Variants in SRP54 observed in about 807,000 individuals in gnomAD.
SRP54 encodes signal recognition particle 54.
SRP54 carries 10 observed loss-of-function variants against 64.8 expected under a neutral mutation model. That is an observed-to-expected ratio of 0.15 (90% CI 0.10 to 0.26). SRP54 has a LOEUF of 0.26. Ranked by LOEUF, SRP54 falls within the 10% of genes least tolerant of loss-of-function variation. The pLI is 1.00. For synonymous variants in SRP54, 193 were observed against 185.6 expected (o/e 1.04, Z -0.32); for missense variants, 325 against 613.7 (o/e 0.53, Z 4.97).
At chr14:35,017,740 C>T (rs1288462794) in intron 11 of SRP54, among the ~76,000 whole-genome samples, 2 of 152,048 alleles carry the variant, frequency 1.3e-5, no homozygotes, top group African/African-American at 4.8e-5. Context: ...TTGACAAATG[C>T]ACAGTAACCC....
chr14:35,016,740 TC>T (rs2044445390), intron 11 of SRP54, among the ~76,000 whole-genome samples: 1 of 152,190 alleles, frequency 6.6e-6, no homozygotes, highest in South Asian at 2.1e-4. Flanking sequence ...TTTTTTATGT[TC>T]ACAGTACCTA....
intron 4 of SRP54, among the ~76,000 whole-genome samples, chr14:35,003,306 A>G (rs867167562): frequency 6.6e-6 from 1 of 152,150 alleles, no homozygotes. Context: ...ACTGAAAACA[A>G]TGGTAGGTAA....
At chr14:35,020,393 T>G (rs1475850238) in intron 13 of SRP54, among the ~76,000 whole-genome samples, 1 of 152,192 alleles carries the variant, frequency 6.6e-6, no homozygotes, top group East Asian at 1.9e-4. Flanking sequence ...GATTGACTCT[T>G]CTTTTCACAA....
intron 1 of SRP54, among the ~76,000 whole-genome samples, chr14:34,994,481 A>G (rs1027471575): frequency 2.0e-5 from 3 of 152,176 alleles, no homozygotes; most frequent in Non-Finnish European, 2.9e-5. Flanking sequence ...CCGTGTTTTT[A>G]GAGCCCTTTG....
chr14:35,002,144 A>C (rs2044183458), intron 4 of SRP54, among the ~76,000 whole-genome samples: 1 of 152,116 alleles, frequency 6.6e-6, no homozygotes, highest in Non-Finnish European at 1.5e-5. Flanking sequence ...ACCTGAGGTC[A>C]GGCGTTCGAG....
chr14:34,999,333 G>A (rs1431077037), intron 2 of SRP54, among the ~76,000 whole-genome samples: 1 of 151,888 alleles, frequency 6.6e-6, no homozygotes, highest in Non-Finnish European at 1.5e-5. Context: ...CTTTTATATA[G>A]GAATAAAATT....
At chr14:34,990,973 A>G (rs2043966637) in intron 1 of SRP54, among the ~76,000 whole-genome samples, 1 of 152,186 alleles carries the variant, frequency 6.6e-6, no homozygotes, top group Non-Finnish European at 1.5e-5. Context: ...CCTTAAATAC[A>G]TCATTTCATT....
intron 14 of SRP54, among the ~76,000 whole-genome samples, chr14:35,023,610 C>G (rs2044570877): frequency 6.6e-6 from 1 of 152,002 alleles, no homozygotes; most frequent in South Asian, 2.1e-4. Flanking sequence ...ATGGTGAAAC[C>G]CTGCCTCTAC....
chr14:35,002,421 C>T (rs1012861016), intron 4 of SRP54, among the ~76,000 whole-genome samples: 2 of 151,654 alleles, frequency 1.3e-5, no homozygotes, highest in Admixed American at 6.6e-5. Flanking sequence ...ATCATTTTTC[C>T]CCCACATTGT....
At chr14:35,001,704 C>A (rs2044176347) in intron 4 of SRP54, among the ~76,000 whole-genome samples, 1 of 152,094 alleles carries the variant, frequency 6.6e-6, no homozygotes, top group Non-Finnish European at 1.5e-5. Flanking sequence ...GTAAGGAATT[C>A]CCTTTGCAAA....
At position 35,029,384 on chromosome 14, in the gene SRP54, TA is replaced by T. The variant is rs201138852; in HGVS notation, c.*233del. On this transcript the variant is annotated 3_prime_UTR_variant, in exon 16 of 16. Coordinates refer to ENST00000216774, the MANE Select transcript of SRP54 (RefSeq NM_003136.4). The stretch of plus-strand genomic sequence containing the variant: ...TGTGGAAATCATTATATGTTTGCTT[TA>T]GATTTTCTTCTGTTTTCACCATCAT... The T allele has an allele frequency of 3.7e-4, 143 of 381,356 alleles. 1 individual carries two copies. The East Asian group carries it at 6.5e-3, about 17-fold the overall frequency. The allele number at this position is 381,356 out of a possible 1,614,324, so 23.6% of individuals were successfully genotyped here. A position where few individuals can be genotyped will look rare whatever the true frequency, so the allele number is the denominator to read the frequency against.
chr14:34,992,834 C>G (rs1046718670), intron 1 of SRP54, among the ~76,000 whole-genome samples: 1 of 151,172 alleles, frequency 6.6e-6, no homozygotes, highest in Non-Finnish European at 1.5e-5. Flanking sequence ...GTTTGCCCCC[C>G]CAAAAAGTTA....
intron 11 of SRP54, among the ~76,000 whole-genome samples, chr14:35,016,058 C>T (rs921977536): frequency 3.9e-5 from 6 of 152,156 alleles, no homozygotes; most frequent in Non-Finnish European, 8.8e-5. Flanking sequence ...ACTCCTTTCT[C>T]CATCAGTTAA....
chr14:35,003,962 C>T (rs1468537307), intron 4 of SRP54, among the ~76,000 whole-genome samples: 1 of 150,558 alleles, frequency 6.6e-6, no homozygotes, highest in Non-Finnish European at 1.5e-5. Context: ...ATAAATAAAG[C>T]TTCCAGGCAT....
intron 7 of SRP54, 38 bp downstream of exon 7, chr14:35,008,869 C>T (rs2044308917): frequency 9.2e-7 from 1 of 1,088,350 alleles, no homozygotes; most frequent in Admixed American, 2.4e-5. Context: ...TTATATCCCT[C>T]TTCTTGTCTG....
intron 14 of SRP54, among the ~76,000 whole-genome samples, chr14:35,026,189 G>A (rs1023337852): frequency 1.6e-5 from 1 of 64,076 alleles, no homozygotes. Context: ...TTTATTTATT[G>A]TTGTTGTTTA....
chr14:34,996,642 T>A, intron 1 of SRP54, 35 bp from the exon 2 acceptor site: 2 of 1,052,844 alleles, frequency 1.9e-6, no homozygotes, highest in Non-Finnish European at 1.5e-6. Context: ...GGAAGTGAAA[T>A]TGATTATTCT....
At chr14:35,017,135 A>G (rs799457) in intron 11 of SRP54, among the ~76,000 whole-genome samples, 86,431 of 151,660 alleles carry the variant, frequency 0.57, 26,029 homozygotes, top group East Asian at 0.75. Flanking sequence ...GATTACAGGC[A>G]TGAGCCACCT....
intron 1 of SRP54, among the ~76,000 whole-genome samples, chr14:34,985,405 A>G (rs541054916): frequency 1.3e-5 from 2 of 152,326 alleles, no homozygotes; most frequent in African/African-American, 4.8e-5. Flanking sequence ...TATAAAAACT[A>G]GAGATATTGG....
Sources: gnomAD v4.1 joint callset for allele counts (sites outside exome capture counted in the v4.1 genomes callset) on GRCh38, gnomAD v4.1.1 for gene constraint, MANE v1.5 for transcripts, NCBI Gene and HGNC (gene_info 2026-07-23, HGNC 2026-07-21) for gene names.